The following DLG2 variants were observed in gnomAD, a reference collection of about 807,000 sequenced individuals.
The protein encoded by DLG2 is disks large homolog 2.
In DLG2, 45 loss-of-function variants were observed where a neutral mutation model predicts 132.5. The observed-to-expected ratio is 0.34, with a 90% confidence interval of 0.27 to 0.44. The LOEUF is 0.44. Among genes scored for constraint, DLG2 ranks in the 20% least tolerant of loss-of-function variants. The pLI is 1.00. For missense variants in DLG2, 1,045 were observed against 1,196.9 expected (o/e 0.87, Z 1.87); for synonymous variants, 424 against 419.6 (o/e 1.01, Z -0.13).
chr11:83,765,678 T>A (rs539186905), intron 18 of DLG2, among the ~76,000 whole-genome samples: 1 of 152,346 alleles, frequency 6.6e-6, no homozygotes, highest in East Asian at 1.9e-4. Context: ...GGTAGCCAAG[T>A]AGACCTTGCT....
At chr11:85,053,110 T>C (rs560703707) in intron 6 of DLG2, among the ~76,000 whole-genome samples, 1 of 152,292 alleles carries the variant, frequency 6.6e-6, no homozygotes, top group Admixed American at 6.5e-5. Context: ...AGTGACATCC[T>C]AGCTAATCGA....
intron 6 of DLG2, among the ~76,000 whole-genome samples, chr11:84,825,655 T>C (rs1400832521): frequency 6.6e-6 from 1 of 151,892 alleles, no homozygotes; most frequent in Non-Finnish European, 1.5e-5. Flanking sequence ...CTGTGTAGTC[T>C]GTTTGGATTA....
At chr11:84,304,323 A>G (rs1488413687) in intron 7 of DLG2, among the ~76,000 whole-genome samples, 11 of 152,218 alleles carry the variant, frequency 7.2e-5, no homozygotes, top group Non-Finnish European at 2.9e-5. Flanking sequence ...AAGGAAACTA[A>G]CCGCGATGTA....
intron 11 of DLG2, among the ~76,000 whole-genome samples, chr11:83,984,919 G>A (rs1388624221): frequency 6.6e-6 from 1 of 152,038 alleles, no homozygotes; most frequent in Non-Finnish European, 1.5e-5. Flanking sequence ...CTGAACACTA[G>A]AAAGATCTAT....
At chr11:85,106,279 TAAAA>T (rs1347047349) in intron 6 of DLG2, among the ~76,000 whole-genome samples, 1 of 151,980 alleles carries the variant, frequency 6.6e-6, no homozygotes, top group Non-Finnish European at 1.5e-5. Context: ...CCCCACTCCT[TAAAA>T]ATGGCTGTAT....
At chr11:85,398,813 C>T (rs2087704347) in intron 3 of DLG2, among the ~76,000 whole-genome samples, 1 of 152,096 alleles carries the variant, frequency 6.6e-6, no homozygotes, top group Non-Finnish European at 1.5e-5. Context: ...AAGTCCAGGA[C>T]AAGACAGATT....
intron 2 of DLG2, among the ~76,000 whole-genome samples, chr11:85,618,185 T>C (rs755985000): frequency 8.5e-5 from 13 of 152,246 alleles, no homozygotes; most frequent in South Asian, 6.2e-4. Context: ...GCAACCTACA[T>C]TGAGGATATA....
At chr11:83,818,188 G>A (rs1274638324) in intron 17 of DLG2, among the ~76,000 whole-genome samples, 1 of 152,222 alleles carries the variant, frequency 6.6e-6, no homozygotes, top group South Asian at 2.1e-4. Flanking sequence ...TCCTCATCCC[G>A]TTTATTCAGA....
chr11:85,177,265 A>ATT (rs2079340077), intron 4 of DLG2, among the ~76,000 whole-genome samples: 5 of 134,146 alleles, frequency 3.7e-5, no homozygotes, highest in South Asian at 2.5e-4. Context: ...ATATGTATTT[A>ATT]TATATATATA....
At chr11:84,318,283 T>C (rs1248222635) in intron 7 of DLG2, among the ~76,000 whole-genome samples, 2 of 152,270 alleles carry the variant, frequency 1.3e-5, no homozygotes, top group African/African-American at 4.8e-5. Context: ...GAAAGGCTAA[T>C]TGCCATAACA....
At chr11:84,573,964 G>T (rs945039052) in intron 6 of DLG2, among the ~76,000 whole-genome samples, 2 of 152,152 alleles carry the variant, frequency 1.3e-5, no homozygotes, top group Non-Finnish European at 2.9e-5. Context: ...AGCCTGAAAG[G>T]TACTTAACTA....
rs572794116 is a variant in DLG2 at position 84,618,964 on chromosome 11, C to T, written c.358-84233G>A. On this transcript the variant is annotated intron_variant, in intron 6 of 27. Coordinates refer to ENST00000376104, the MANE Select transcript of DLG2 (RefSeq NM_001142699.3). Reference sequence around the variant, plus strand: ...GGCGATTGTAAACAGACCTCTTTGACTCATTGATAGATGATGTAGGTACAA... The same window carrying T: ...GGCGATTGTAAACAGACCTCTTTGATTCATTGATAGATGATGTAGGTACAA... Among the ~76,000 whole-genome samples, 9 of 152,060 alleles carry T rather than the reference C, an allele frequency of 5.9e-5. No homozygotes were observed. The South Asian group carries it at 1.9e-3, about 32-fold the overall frequency.
At chr11:84,066,634 G>C (rs928333979) in intron 10 of DLG2, among the ~76,000 whole-genome samples, 1 of 151,988 alleles carries the variant, frequency 6.6e-6, no homozygotes, top group East Asian at 1.9e-4. Flanking sequence ...GGTGGCAGGC[G>C]CCTGTAATCC....
rs934318835 is a variant in DLG2 at position 83,761,490 on chromosome 11, C to T, written c.1825+25200G>A. 4.6e-5 allele frequency among the ~76,000 whole-genome samples: 7 copies of T among 152,216 alleles called. 1 individual carries two copies. ...CAATTATATTGAATAATGATAGTCT[C>T]TGAAACAAATGCACCCTGTTCATTC... On this transcript the variant is annotated intron_variant, in intron 18 of 27. Transcript: ENST00000376104.
At chr11:84,113,104 C>T (rs755222895) in intron 9 of DLG2, among the ~76,000 whole-genome samples, 4 of 152,012 alleles carry the variant, frequency 2.6e-5, no homozygotes, top group Non-Finnish European at 5.9e-5. Context: ...GTAGTGGTGC[C>T]GAAGTATGCT....
chr11:84,793,160 T>C (rs1230432070), intron 6 of DLG2, among the ~76,000 whole-genome samples: 1 of 152,226 alleles, frequency 6.6e-6, no homozygotes, highest in Non-Finnish European at 1.5e-5. Context: ...TCTAAATGTC[T>C]TCATTCATAC....
chr11:85,290,886 GA>G (rs2078851678), intron 3 of DLG2, among the ~76,000 whole-genome samples: 1 of 151,994 alleles, frequency 6.6e-6, no homozygotes, highest in South Asian at 2.1e-4. Context: ...CATGTTGAAG[GA>G]AATTCATAAT....
intron 6 of DLG2, among the ~76,000 whole-genome samples, chr11:84,949,228 G>C (rs2050615878): frequency 1.3e-5 from 2 of 152,120 alleles, no homozygotes; most frequent in Non-Finnish European, 2.9e-5. Context: ...TTTCAAAAGG[G>C]GAGGGAGTGT....
Position 85,545,159 on chromosome 11 carries a change from G to A in DLG2, c.40+53498C>T, listed in dbSNP as rs776667993. On this transcript the variant is annotated intron_variant, in intron 3 of 27. Transcript: ENST00000376104. ...AATAGCTCTTAGTATTTTGAGCTACGTTCCATCAATATCTAGTTTATTGAG... is the reference window on the plus strand; with the variant it reads ...AATAGCTCTTAGTATTTTGAGCTACATTCCATCAATATCTAGTTTATTGAG... Among the ~76,000 whole-genome samples the A allele has an allele frequency of 3.0e-4, 45 of 152,126 alleles. 2 individuals carry two copies. The highest frequency in any genetic ancestry group is 9.2e-4 in the Admixed American group (14 of 15,274).
Sources: allele counts gnomAD v4.1 joint callset (sites outside exome capture counted in the v4.1 genomes callset), GRCh38; gene constraint gnomAD v4.1.1; transcripts MANE v1.5; gene names NCBI Gene and HGNC (gene_info 2026-07-23, HGNC 2026-07-21).